Variants in LMX1B observed in about 807,000 individuals in gnomAD.
LMX1B encodes LIM homeobox transcription factor 1 beta.
LMX1B carries 12 observed loss-of-function variants against 51.4 expected under a neutral mutation model. The observed-to-expected ratio is 0.23, with a 90% confidence interval of 0.15 to 0.38. The LOEUF is 0.38. Ranked by LOEUF, LMX1B falls within the 10% of genes least tolerant of loss-of-function variation. The pLI is 1.00. For missense variants in LMX1B, 445 were observed against 571.1 expected (o/e 0.78, Z 2.25); for synonymous variants, 237 against 235.4 (o/e 1.01, Z -0.06).
chr9:126,637,471 T>G (rs1835734019), intron 2 of LMX1B, among the ~76,000 whole-genome samples: 2 of 145,032 alleles, frequency 1.4e-5, no homozygotes, highest in East Asian at 2.1e-4. Flanking sequence ...TGCATTTGTG[T>G]GTGGGGGTGG....
At chr9:126,668,799 C>T (rs1308889576) in intron 2 of LMX1B, among the ~76,000 whole-genome samples, 1 of 152,174 alleles carries the variant, frequency 6.6e-6, no homozygotes, top group South Asian at 2.1e-4. Context: ...CAAAGAGGCC[C>T]CACTCACCTC....
intron 2 of LMX1B, among the ~76,000 whole-genome samples, chr9:126,686,169 A>G (rs1364824694): frequency 6.6e-6 from 1 of 151,416 alleles, no homozygotes; most frequent in Admixed American, 6.6e-5. Flanking sequence ...AGTCCCAGCT[A>G]CTCGGGAGGC....
chr9:126,661,852 CT>C (rs769910750), intron 2 of LMX1B, among the ~76,000 whole-genome samples: 33 of 152,228 alleles, frequency 2.2e-4, no homozygotes, highest in Non-Finnish European at 4.1e-4. Flanking sequence ...GCAGCGCCCC[CT>C]GGCCCAGTGG....
chr9:126,678,008 G>A (rs1221825521), intron 2 of LMX1B, among the ~76,000 whole-genome samples: 1 of 152,158 alleles, frequency 6.6e-6, no homozygotes, highest in Non-Finnish European at 1.5e-5. Context: ...CATTCAGAGG[G>A]TGATTAGAAT....
Position 126,618,984 on chromosome 9 carries a change from G to A in LMX1B, c.326+3415G>A, listed in dbSNP as rs1016910181. Among the ~76,000 whole-genome samples, 3 of 151,930 alleles carry A rather than the reference G, an allele frequency of 2.0e-5. No individual in the cohort carries two copies. Among genetic ancestry groups the A allele is most frequent in the Non-Finnish European group, 4.4e-5 (3 of 67,960 alleles). ...GGCGGCGGGGCCGCGGCGTCCTTCC[G>A]CCCGCAGGGCCTGCCCGGGCGGCCG... On this transcript the variant is annotated intron_variant, in intron 2 of 7. Transcript: ENST00000373474. The surrounding 1 kb of genome is among the most constrained non-coding windows in gnomAD (Gnocchi z 4.5).
At chr9:126,679,791 A>G (rs1285307352) in intron 2 of LMX1B, among the ~76,000 whole-genome samples, 1 of 152,072 alleles carries the variant, frequency 6.6e-6, no homozygotes, top group African/African-American at 2.4e-5. Context: ...TCTCCCTCCC[A>G]GAATGGGCTC....
chr9:126,635,980 C>T (rs979119785), intron 2 of LMX1B, among the ~76,000 whole-genome samples: 13 of 152,214 alleles, frequency 8.5e-5, no homozygotes, highest in East Asian at 1.9e-4. Context: ...GCACTGGGGA[C>T]GAGTGATGGG....
chr9:126,691,833 C>T (rs2030144324), intron 3 of LMX1B, among the ~76,000 whole-genome samples: 1 of 152,212 alleles, frequency 6.6e-6, no homozygotes, highest in African/African-American at 2.4e-5. Context: ...GCCCTCTGTG[C>T]TGGAGGGAAA....
rs562341520 is a variant in LMX1B, at chr9:126,615,840, C to T, written c.326+271C>T. 5.9e-5 allele frequency among the ~76,000 whole-genome samples: 9 copies of T among 152,330 alleles called. No homozygotes were observed. The South Asian group carries it at 1.7e-3, about 28-fold the overall frequency. On this transcript the variant is annotated intron_variant, in intron 2 of 7. Coordinates refer to ENST00000373474, the MANE Select transcript of LMX1B (RefSeq NM_001174147.2). This position sits in a 1 kb window ranked among gnomAD's most constrained non-coding sequence, Gnocchi z 6.0. ...GCTGGGCCGGCCGAGGGATTTGGTG[C>T]CTGGGTCCTGGGATATAGGGTCTGG...
intron 3 of LMX1B, among the ~76,000 whole-genome samples, chr9:126,692,685 T>C (rs938998256): frequency 2.0e-5 from 3 of 152,252 alleles, no homozygotes; most frequent in African/African-American, 7.2e-5. Flanking sequence ...TGTGAATATC[T>C]GTGGTGTGTG....
Position 126,696,312 on chromosome 9 carries a change from A to T in LMX1B, c.1070A>T (p.His357Leu). Residue 357 changes from histidine to leucine, a missense_variant, in exon 8 of 8, where the codon CAT becomes CTT. This residue lies in a region of LMX1B where 162 missense variants were observed against 187.8 expected (regional missense o/e 0.86). Coordinates refer to ENST00000373474, the MANE Select transcript of LMX1B (RefSeq NM_001174147.2). ...CCCCCAGGGAACGACTCCATCTTCCATGACATCGACAGCGATACCTCCTTA... is the reference window on the plus strand; with the variant it reads ...CCCCCAGGGAACGACTCCATCTTCCTTGACATCGACAGCGATACCTCCTTA... The part of the protein sequence containing the change: ...MNPYGNDSIF[H>L]DIDSDTSLTS... 6.2e-7 allele frequency: 1 copy of T among 1,613,954 alleles called. No individual in the cohort carries two copies. The highest frequency in any genetic ancestry group is 8.5e-7 in the Non-Finnish European group (1 of 1,179,930).
chr9:126,676,288 G>A (rs147139998), intron 2 of LMX1B, among the ~76,000 whole-genome samples: 292 of 152,112 alleles, frequency 1.9e-3, no homozygotes, highest in African/African-American at 6.6e-3. Flanking sequence ...TCCTCTCCCC[G>A]TCTCAGCCCA....
intron 2 of LMX1B, among the ~76,000 whole-genome samples, chr9:126,630,269 G>T (rs1010293648): frequency 6.6e-6 from 1 of 152,132 alleles, no homozygotes; most frequent in Admixed American, 6.5e-5. Context: ...CCAGTGGGGG[G>T]CTATGCAGCA....
At chr9:126,686,115 T>TA in intron 2 of LMX1B, among the ~76,000 whole-genome samples, 1 of 151,646 alleles carries the variant, frequency 6.6e-6, no homozygotes, top group Non-Finnish European at 1.5e-5. Context: ...CCGTCTCTAC[T>TA]AAAAAATACA....
intron 2 of LMX1B, among the ~76,000 whole-genome samples, chr9:126,680,810 G>A (rs1229688070): frequency 6.6e-6 from 1 of 152,172 alleles, no homozygotes; most frequent in Non-Finnish European, 1.5e-5. Flanking sequence ...AATAGTACAG[G>A]TAAAGCCCTT....
chr9:126,628,858 G>C (rs552674729), intron 2 of LMX1B, among the ~76,000 whole-genome samples: 1 of 152,114 alleles, frequency 6.6e-6, no homozygotes, highest in East Asian at 1.9e-4. Flanking sequence ...AGCGGGGAGG[G>C]GGGTGTGGGA....
At chr9:126,689,846 A>G (rs1310317787) in intron 2 of LMX1B, among the ~76,000 whole-genome samples, 1 of 152,194 alleles carries the variant, frequency 6.6e-6, no homozygotes, top group African/African-American at 2.4e-5. Context: ...TTAGCACCTC[A>G]ATTTCCTCAT....
At chr9:126,680,993 C>T (rs376300944) in intron 2 of LMX1B, among the ~76,000 whole-genome samples, 3 of 152,214 alleles carry the variant, frequency 2.0e-5, no homozygotes, top group African/African-American at 4.8e-5. Flanking sequence ...TGACCTGTCT[C>T]GACAATGGCA....
chr9:126,689,603 G>C (rs1487573806), intron 2 of LMX1B, among the ~76,000 whole-genome samples: 1 of 152,248 alleles, frequency 6.6e-6, no homozygotes, highest in African/African-American at 2.4e-5. Context: ...GGGTGGGGGA[G>C]TGTCGGGAGG....
Sources: gnomAD v4.1 joint callset for allele counts (sites outside exome capture counted in the v4.1 genomes callset) on GRCh38, gnomAD v4.1.1 for gene constraint, gnomAD v4.1.1 regional missense constraint, Gnocchi (gnomAD v3.1) non-coding constraint, MANE v1.5 for transcripts, NCBI Gene and HGNC (gene_info 2026-07-23, HGNC 2026-07-21) for gene names.